KCNN2: variants seen among roughly 807,000 people sequenced by gnomAD.
The protein encoded by KCNN2 is potassium calcium-activated channel subfamily N member 2.
In KCNN2, 24 loss-of-function variants were observed where a neutral mutation model predicts 55.5. The observed-to-expected ratio is 0.43, with a 90% CI of 0.31 to 0.61. The LOEUF (loss-of-function observed/expected upper bound fraction) is 0.61. KCNN2 is among the 20% of genes least tolerant of loss of function. The pLI, the probability that KCNN2 is intolerant of heterozygous loss-of-function variation, is 0.08. For missense variants in KCNN2, 754 were observed against 853.6 expected, an observed-to-expected ratio of 0.88 and a Z score of 1.45; for synonymous variants, 431 against 336.1, an observed-to-expected ratio of 1.28 and a Z score of -3.09.
At chr5:114,423,494 C>T (rs1266303400) in intron 3 of KCNN2, among the ~76,000 whole-genome samples, 2 of 152,010 alleles carry the variant, frequency 1.3e-5, no homozygotes, top group Non-Finnish European at 2.9e-5. Context: ...TATATTAAGA[C>T]CTATTTCTAA....
intron 5 of KCNN2, among the ~76,000 whole-genome samples, chr5:114,477,424 A>G (rs1451492149): frequency 4.6e-5 from 7 of 152,214 alleles, no homozygotes; most frequent in Non-Finnish European, 8.8e-5. Flanking sequence ...ATTTGAAAGT[A>G]GAATACTATT....
chr5:114,201,922 A>C (rs1753679934), intron 1 of KCNN2, among the ~76,000 whole-genome samples: 1 of 148,680 alleles, frequency 6.7e-6, no homozygotes, highest in Non-Finnish European at 1.5e-5. Context: ...AACTCTCAAA[A>C]TTTTGCCTTG....
At chr5:114,143,349 G>C (rs574305609) in intron 1 of KCNN2, among the ~76,000 whole-genome samples, 149 of 152,212 alleles carry the variant, frequency 9.8e-4, no homozygotes, top group African/African-American at 3.5e-3. Context: ...CTATGATTGG[G>C]AAGATATTAA....
At chr5:114,273,855 A>C (rs1019150721) in intron 2 of KCNN2, among the ~76,000 whole-genome samples, 2 of 152,190 alleles carry the variant, frequency 1.3e-5, no homozygotes, top group African/African-American at 4.8e-5. Context: ...TAGATTAATT[A>C]GATCCCATTT....
chr5:114,205,888 G>A (rs1486867971), intron 1 of KCNN2, among the ~76,000 whole-genome samples: 1 of 152,132 alleles, frequency 6.6e-6, no homozygotes, highest in Non-Finnish European at 1.5e-5. Context: ...TAGAATAGAT[G>A]GCAGACGGCA....
rs372541128 is a variant in KCNN2 at position 114,437,646 on chromosome 5, A to G, written c.1638-25403A>G. On this transcript the variant is annotated intron_variant, in intron 3 of 7. Coordinates refer to ENST00000673685, the MANE Select transcript of KCNN2 (RefSeq NM_021614.4). ...GTGTTACATAGTTCAAATCCTTCTG[A>G]TTAACTTGAGTTTTCCAACTACATG... 3.9e-5 allele frequency among the ~76,000 whole-genome samples: 6 copies of G among 152,308 alleles called. No individual in the cohort carries two copies. In the South Asian group the frequency reaches 1.2e-3, roughly 32 times the overall value.
At chr5:114,064,982 A>C (rs940314576) in intron 1 of KCNN2, among the ~76,000 whole-genome samples, 4 of 152,224 alleles carry the variant, frequency 2.6e-5, no homozygotes, top group African/African-American at 9.6e-5. Context: ...ACCCCAGAGA[A>C]TCAGGATGAA....
chr5:114,471,201 C>G (rs1761717623), intron 4 of KCNN2, among the ~76,000 whole-genome samples: 1 of 152,086 alleles, frequency 6.6e-6, no homozygotes, highest in South Asian at 2.1e-4. Flanking sequence ...GGTTCAGTTC[C>G]AGAACCCCAC....
chr5:114,473,335 T>A, intron 5 of KCNN2, 171 bp downstream of exon 5: 1 of 603,118 alleles, frequency 1.7e-6, no homozygotes, highest in Non-Finnish European at 3.0e-6. Flanking sequence ...TATTTCTACC[T>A]TGAGGTCAGT....
At chr5:114,226,119 T>C (rs1754233488) in intron 2 of KCNN2, among the ~76,000 whole-genome samples, 1 of 42,064 alleles carries the variant, frequency 2.4e-5, no homozygotes, top group Non-Finnish European at 4.7e-5. Context: ...AGCATTCCTG[T>C]TTTCTTGTAG....
chr5:114,386,242 A>G (rs1327720789), intron 2 of KCNN2, among the ~76,000 whole-genome samples: 2 of 151,766 alleles, frequency 1.3e-5, no homozygotes, highest in East Asian at 1.9e-4. Flanking sequence ...TCAAAATCAC[A>G]CTGCTTGAGA....
intron 1 of KCNN2, among the ~76,000 whole-genome samples, chr5:114,065,846 GTTTTTTTTTTTTTTTTTTTTTTTTT>G (rs56127808): frequency 6.6e-5 from 3 of 45,196 alleles, no homozygotes; most frequent in Non-Finnish European, 1.1e-4. Flanking sequence ...TCCTATGCAG[GTTTTTTTTTTTTTTTTTTTTTTTTT>G]TTTTTTTTTT....
intron 1 of KCNN2, among the ~76,000 whole-genome samples, chr5:114,190,526 T>C (rs1232945387): frequency 6.6e-6 from 1 of 152,174 alleles, no homozygotes; most frequent in Non-Finnish European, 1.5e-5. Flanking sequence ...TAGTATATTG[T>C]TTATGAATAT....
intron 1 of KCNN2, among the ~76,000 whole-genome samples, chr5:114,075,090 A>G (rs1038294105): frequency 6.6e-6 from 1 of 152,202 alleles, no homozygotes; most frequent in Non-Finnish European, 1.5e-5. Context: ...AGAAATGTGT[A>G]TTATGTGAAT....
At chr5:114,487,602 G>A (rs1747637337) in intron 6 of KCNN2, among the ~76,000 whole-genome samples, 1 of 152,068 alleles carries the variant, frequency 6.6e-6, no homozygotes, top group Non-Finnish European at 1.5e-5. Flanking sequence ...TTTTGGCTGT[G>A]TTCATTTTAA....
intron 2 of KCNN2, among the ~76,000 whole-genome samples, chr5:114,370,765 A>T (rs1412968444): frequency 6.6e-6 from 1 of 152,078 alleles, no homozygotes; most frequent in African/African-American, 2.4e-5. Flanking sequence ...GGGAGGGGAT[A>T]AAGGGGCCTG....
At chr5:114,394,319 A>G (rs977589778) in intron 2 of KCNN2, among the ~76,000 whole-genome samples, 8 of 151,938 alleles carry the variant, frequency 5.3e-5, no homozygotes, top group African/African-American at 1.9e-4. Context: ...TCCTGCATTC[A>G]TTTTTCTACT....
At chr5:114,355,217 G>T (rs1316478059) in intron 2 of KCNN2, among the ~76,000 whole-genome samples, 1 of 152,118 alleles carries the variant, frequency 6.6e-6, no homozygotes, top group Non-Finnish European at 1.5e-5. Context: ...GAGCCTGTTT[G>T]GCAAGAGGTA....
At chr5:114,290,508 T>G (rs1403845294) in intron 2 of KCNN2, among the ~76,000 whole-genome samples, 1 of 152,138 alleles carries the variant, frequency 6.6e-6, no homozygotes, top group Non-Finnish European at 1.5e-5. Flanking sequence ...AGCTAAAGCT[T>G]TATCAATTTC....
Sources: gnomAD v4.1 joint callset for allele counts (sites outside exome capture counted in the v4.1 genomes callset) on GRCh38, gnomAD v4.1.1 for gene constraint, MANE v1.5 for transcripts, NCBI Gene and HGNC (gene_info 2026-07-23, HGNC 2026-07-21) for gene names.